Variants in CFAP44 observed in about 807,000 individuals in gnomAD.
CFAP44 encodes the protein cilia- and flagella-associated protein 44.
In CFAP44, 134 loss-of-function variants were observed where a neutral mutation model predicts 216.2. That is an observed-to-expected ratio of 0.62 (90% CI 0.54 to 0.72). CFAP44 has a LOEUF of 0.72. Among genes scored for constraint, CFAP44 ranks in the 30% least tolerant of loss-of-function variants. The probability of loss-of-function intolerance (pLI) is 0.00; values close to 1 mark genes in which losing one functional copy is unlikely to be tolerated. For synonymous variants in CFAP44, 700 were observed against 727.6 expected (o/e 0.96, Z 0.61); for missense variants, 2,035 against 2,182.1 (o/e 0.93, Z 1.34).
intron 23 of CFAP44, among the ~76,000 whole-genome samples, chr3:113,343,971 T>TGG (rs1950358372): frequency 6.6e-6 from 1 of 152,240 alleles, no homozygotes; most frequent in Non-Finnish European, 1.5e-5. Flanking sequence ...TTTACTAATC[T>TGG]GCAGTCACCT....
At chr3:113,364,842 T>C (rs994149718) in intron 19 of CFAP44, among the ~76,000 whole-genome samples, 3 of 152,150 alleles carry the variant, frequency 2.0e-5, no homozygotes, top group African/African-American at 7.2e-5. Context: ...TCTGTACTTC[T>C]AGGGCTCCCT....
chr3:113,412,287 G>C (rs1019211410), intron 6 of CFAP44, among the ~76,000 whole-genome samples: 2 of 151,992 alleles, frequency 1.3e-5, no homozygotes, highest in African/African-American at 4.8e-5. Context: ...TAATAAACTT[G>C]TTTTCATTTT....
chr3:113,342,001 G>GA, intron 23 of CFAP44, 83 bp from the exon 24 acceptor site: 6 of 1,371,228 alleles, frequency 4.4e-6, no homozygotes, highest in Non-Finnish European at 5.8e-6. Flanking sequence ...TGCTGCATTA[G>GA]AAAAAACACA....
intron 18 of CFAP44, among the ~76,000 whole-genome samples, chr3:113,370,210 A>G (rs1156976582): frequency 6.6e-6 from 1 of 152,170 alleles, no homozygotes; most frequent in African/African-American, 2.4e-5. Flanking sequence ...AAAAGAGGAA[A>G]TCCTCCCTAA....
At chr3:113,390,897 T>C (rs1419191771) in intron 15 of CFAP44, among the ~76,000 whole-genome samples, 2 of 152,130 alleles carry the variant, frequency 1.3e-5, no homozygotes, top group East Asian at 1.9e-4. Context: ...AGAATCAATA[T>C]TGTTAAAATG....
rs889241331 is a variant in CFAP44, at chr3:113,307,873, G to A, written c.4627+285C>T. ...CATGCGCCTGTAGTCCCAACTACTC[G>A]GGAGGCTGATGCAGGAGAATAGCTT... On this transcript the variant is annotated intron_variant, in intron 29 of 34. Coordinates refer to ENST00000393845, the MANE Select transcript of CFAP44 (RefSeq NM_001164496.2). Among the ~76,000 whole-genome samples the A allele has an allele frequency of 5.9e-5, 9 of 152,120 alleles. No homozygotes were observed. In the East Asian group the frequency reaches 7.7e-4, roughly 13 times the overall value.
intron 28 of CFAP44, among the ~76,000 whole-genome samples, chr3:113,323,313 G>A (rs1284418306): frequency 6.6e-6 from 1 of 152,230 alleles, no homozygotes; most frequent in Non-Finnish European, 1.5e-5. Flanking sequence ...GACCTTTGCA[G>A]CAACATGGAT....
chr3:113,301,641 T>C (rs374528157), intron 32 of CFAP44, among the ~76,000 whole-genome samples: 16 of 152,198 alleles, frequency 1.1e-4, no homozygotes, highest in Non-Finnish European at 2.2e-4. Context: ...ATGATCTTTT[T>C]AAATGGACAA....
chr3:113,341,995 G>T (rs1025309982), intron 23 of CFAP44, 77 bp from the exon 24 acceptor site: 11 of 1,405,416 alleles, frequency 7.8e-6, no homozygotes, highest in Middle Eastern at 2.1e-4. Context: ...TTAACCTGCT[G>T]CATTAGAAAA....
chr3:113,428,342 T>A (rs545391288), intron 2 of CFAP44, among the ~76,000 whole-genome samples: 48 of 152,302 alleles, frequency 3.2e-4, no homozygotes, highest in African/African-American at 1.1e-3. Context: ...TGAATACAGA[T>A]GAAGGAGAAG....
intron 22 of CFAP44, among the ~76,000 whole-genome samples, chr3:113,345,454 T>C (rs1327507933): frequency 6.6e-6 from 1 of 152,170 alleles, no homozygotes; most frequent in African/African-American, 2.4e-5. Context: ...ACATAGTAAC[T>C]ATAAAAAGAG....
chr3:113,296,337 T>C (rs947156474), intron 33 of CFAP44, among the ~76,000 whole-genome samples: 3 of 152,236 alleles, frequency 2.0e-5, no homozygotes, highest in African/African-American at 7.2e-5. Flanking sequence ...ATATTTCATT[T>C]TCTCATTGTG....
intron 5 of CFAP44, among the ~76,000 whole-genome samples, chr3:113,418,500 T>C (rs1934712894): frequency 1.3e-5 from 2 of 152,150 alleles, no homozygotes; most frequent in Admixed American, 6.5e-5. Flanking sequence ...TTCTCATAGG[T>C]TTCTCATAGC....
At chr3:113,439,393 A>G (rs1360386067) in intron 1 of CFAP44, among the ~76,000 whole-genome samples, 1 of 152,222 alleles carries the variant, frequency 6.6e-6, no homozygotes, top group Non-Finnish European at 1.5e-5. Flanking sequence ...CATAAAAAAA[A>G]ATACTTCTAC....
chr3:113,439,686 GA>G (rs1935316186), intron 1 of CFAP44, among the ~76,000 whole-genome samples: 1 of 152,176 alleles, frequency 6.6e-6, no homozygotes, highest in Non-Finnish European at 1.5e-5. Context: ...GAAGTATAAA[GA>G]AAAAGGGAAA....
rs192352290 is a variant in CFAP44 at position 113,373,342 on chromosome 3, C to T, written c.2444+69G>A. 5.4e-5 allele frequency: 72 copies of T among 1,326,470 alleles called. No homozygotes were observed. In the African/African-American group the frequency reaches 1.0e-3, roughly 19 times the overall value. 82.2% of individuals were successfully genotyped at this position (1,326,470 alleles called of 1,614,324 possible). A position where few individuals can be genotyped will look rare whatever the true frequency, so the allele number is the denominator to read the frequency against. Reference sequence around the variant, plus strand: ...ATGGATCTTTAAAAATTGACAATATCCATGATGAACAAAAGCATAGACACT... The same window carrying T: ...ATGGATCTTTAAAAATTGACAATATTCATGATGAACAAAAGCATAGACACT... On this transcript the variant is annotated intron_variant, in intron 18 of 34. Transcript: ENST00000393845.
At chr3:113,389,941 T>C (rs1409993924) in intron 15 of CFAP44, among the ~76,000 whole-genome samples, 1 of 151,910 alleles carries the variant, frequency 6.6e-6, no homozygotes, top group East Asian at 1.9e-4. Context: ...AGAATACCAA[T>C]CATGCTCAAA....
chr3:113,396,736 AAATT>A lies in CFAP44; in HGVS notation c.1570-13_1570-10del. 1 of 1,612,630 alleles carries A rather than the reference AAATT, an allele frequency of 6.2e-7. No homozygotes were observed. On this transcript the variant is annotated splice_polypyrimidine_tract_variant and intron_variant, in intron 13 of 34. Transcript: ENST00000393845. ...GCTCCAGTGAAGTTTACCTTGGAGA[AAATT>A]AAAGATAAGGGACCTGAAACTAGTT... is the stretch of plus-strand genomic sequence containing the variant.
At chr3:113,340,805 C>T (rs887792577) in intron 24 of CFAP44, among the ~76,000 whole-genome samples, 5 of 152,166 alleles carry the variant, frequency 3.3e-5, no homozygotes. Flanking sequence ...TTCTGTATCC[C>T]GGGGTTTCTT....
Sources: gnomAD v4.1 joint callset for allele counts (sites outside exome capture counted in the v4.1 genomes callset) on GRCh38, gnomAD v4.1.1 for gene constraint, MANE v1.5 for transcripts, NCBI Gene and HGNC (gene_info 2026-07-23, HGNC 2026-07-21) for gene names.